The following SLIT3 variants were observed in gnomAD, a reference collection of about 807,000 sequenced individuals.
SLIT3 encodes slit homolog 3 protein.
SLIT3 carries 68 observed loss-of-function variants against 184.0 expected under a neutral mutation model. The ratio of observed to expected loss-of-function variants is 0.37; its 90% CI spans 0.30 to 0.45. SLIT3 has a LOEUF of 0.45. Ranked by LOEUF, SLIT3 falls within the 20% of genes least tolerant of loss-of-function variation. The probability of loss-of-function intolerance (pLI) is 1.00; values close to 1 mark genes in which losing one functional copy is unlikely to be tolerated. For missense variants in SLIT3, 1,707 were observed against 2,026.0 expected, an observed-to-expected ratio of 0.84 and a Z score of 3.02; for synonymous variants, 831 against 828.6, an observed-to-expected ratio of 1.00 and a Z score of -0.05.
chr5:169,100,873 TCCCATGTGTCA>T (rs1210426307), intron 4 of SLIT3, among the ~76,000 whole-genome samples: 1 of 152,122 alleles, frequency 6.6e-6, no homozygotes, highest in Non-Finnish European at 1.5e-5. Context: ...TGCAGGAAAA[TCCCATGTGTCA>T]ACAAACCCTG....
chr5:168,962,765 T>C (rs1763061359), intron 4 of SLIT3, among the ~76,000 whole-genome samples: 1 of 98,946 alleles, frequency 1.0e-5, no homozygotes, highest in African/African-American at 7.7e-5. Flanking sequence ...GTGGGCGCAG[T>C]GGCTGCCTTT....
chr5:168,902,211 A>C (rs951678663), intron 4 of SLIT3, among the ~76,000 whole-genome samples: 3 of 152,122 alleles, frequency 2.0e-5, no homozygotes, highest in African/African-American at 7.2e-5. Flanking sequence ...GTCTTTCTAG[A>C]TCCATGTACC....
intron 4 of SLIT3, among the ~76,000 whole-genome samples, chr5:169,082,520 G>C (rs1415807747): frequency 6.6e-6 from 1 of 152,160 alleles, no homozygotes; most frequent in Non-Finnish European, 1.5e-5. Flanking sequence ...TTTACTCTCT[G>C]ATTCCTATTC....
At chr5:168,869,636 C>T (rs1759437955) in intron 5 of SLIT3, among the ~76,000 whole-genome samples, 1 of 152,092 alleles carries the variant, frequency 6.6e-6, no homozygotes, top group Non-Finnish European at 1.5e-5. Context: ...AGACAAATAC[C>T]CCATCTCTCA....
intron 4 of SLIT3, among the ~76,000 whole-genome samples, chr5:169,119,542 A>T (rs1303193387): frequency 6.6e-6 from 1 of 152,198 alleles, no homozygotes; most frequent in East Asian, 1.9e-4. Context: ...ACTGGAGGGA[A>T]CCAAACACAC....
At chr5:169,219,101 C>T (rs536574790) in intron 3 of SLIT3, among the ~76,000 whole-genome samples, 12 of 152,306 alleles carry the variant, frequency 7.9e-5, no homozygotes, top group South Asian at 2.1e-4. Context: ...AACACACCAG[C>T]GCTGCCGCCT....
intron 4 of SLIT3, among the ~76,000 whole-genome samples, chr5:169,068,326 G>A (rs1332898161): frequency 1.3e-5 from 2 of 152,182 alleles, no homozygotes; most frequent in African/African-American, 4.8e-5. Flanking sequence ...AATGTATGAA[G>A]AGCAGTCTGT....
chr5:168,686,184 G>A (rs1201345414), intron 30 of SLIT3, among the ~76,000 whole-genome samples: 1 of 152,134 alleles, frequency 6.6e-6, no homozygotes, highest in Non-Finnish European at 1.5e-5. Flanking sequence ...GGGGAGGATC[G>A]CTTGTGCACA....
chr5:168,800,814 A>G (rs1435913447), intron 9 of SLIT3, among the ~76,000 whole-genome samples: 1 of 152,202 alleles, frequency 6.6e-6, no homozygotes, highest in African/African-American at 2.4e-5. Flanking sequence ...GATGCCACAG[A>G]GGAAATTATT....
chr5:168,730,663 A>G (rs940038740), intron 20 of SLIT3, among the ~76,000 whole-genome samples: 2 of 152,040 alleles, frequency 1.3e-5, no homozygotes, highest in Non-Finnish European at 2.9e-5. Context: ...AAAATTAAAA[A>G]AAAATCCAAA....
At chr5:168,771,549 T>C (rs1372521921) in intron 14 of SLIT3, among the ~76,000 whole-genome samples, 1 of 152,058 alleles carries the variant, frequency 6.6e-6, no homozygotes, top group Admixed American at 6.5e-5. Context: ...AAGAAGCAAA[T>C]CAGACTAGAA....
chr5:168,833,999 T>G (rs1189580928), intron 6 of SLIT3, among the ~76,000 whole-genome samples: 2 of 152,218 alleles, frequency 1.3e-5, no homozygotes, highest in East Asian at 3.9e-4. Context: ...TGCCCAGCTC[T>G]GCACAGACAG....
chr5:169,128,072 T>C (rs1446653194), intron 4 of SLIT3, among the ~76,000 whole-genome samples: 13 of 151,894 alleles, frequency 8.6e-5, no homozygotes, highest in Non-Finnish European at 1.6e-4. Flanking sequence ...AAAACTGTTA[T>C]TTATTTAATA....
chr5:168,700,735 G>T, intron 26 of SLIT3, 56 bp from the exon 27 acceptor site: 1 of 1,319,660 alleles, frequency 7.6e-7, no homozygotes, highest in South Asian at 1.2e-5. Flanking sequence ...GGGCTGCCAT[G>T]GCCCAGGGGA....
chr5:169,094,598 C>T (rs2113212228), intron 4 of SLIT3, among the ~76,000 whole-genome samples: 1 of 152,316 alleles, frequency 6.6e-6, no homozygotes, highest in Admixed American at 6.5e-5. Flanking sequence ...TCACTGCACT[C>T]CAGCAGGGGC....
intron 9 of SLIT3, 138 bp downstream of exon 9, chr5:168,806,308 C>T: frequency 2.2e-6 from 2 of 910,692 alleles, no homozygotes; most frequent in Non-Finnish European, 3.4e-6. Context: ...TGTGGAAGGA[C>T]AGCAAAGAGA....
chr5:168,984,749 T>G (rs192290320), intron 4 of SLIT3, among the ~76,000 whole-genome samples: 11 of 152,156 alleles, frequency 7.2e-5, no homozygotes, highest in Non-Finnish European at 1.0e-4. Context: ...AGGCTGATTA[T>G]CAGTTAAGTG....
At chr5:168,980,310 A>C (rs567679761) in intron 4 of SLIT3, among the ~76,000 whole-genome samples, 28 of 152,238 alleles carry the variant, frequency 1.8e-4, no homozygotes, top group East Asian at 5.8e-4. Flanking sequence ...GACTGAATTA[A>C]AAATGCATCC....
chr5:169,280,157 C>T (rs1302867262), intron 1 of SLIT3, among the ~76,000 whole-genome samples: 1 of 152,192 alleles, frequency 6.6e-6, no homozygotes, highest in Non-Finnish European at 1.5e-5. Context: ...CTTGTGCCTT[C>T]ATTTGCCATT....
Sources: gnomAD v4.1 joint callset for allele counts (sites outside exome capture counted in the v4.1 genomes callset) on GRCh38, gnomAD v4.1.1 for gene constraint, MANE v1.5 for transcripts, NCBI Gene and HGNC (gene_info 2026-07-23, HGNC 2026-07-21) for gene names.